Variants in WWOX observed in about 807,000 individuals in gnomAD.
The protein encoded by WWOX is WW domain-containing oxidoreductase.
WWOX carries 69 observed loss-of-function variants against 46.2 expected under a neutral mutation model. The observed-to-expected ratio is 1.49, with a 90% CI of 1.23 to 1.82. The LOEUF (loss-of-function observed/expected upper bound fraction) is 1.82, where lower values mean the gene tolerates loss of function less well. Ranked by LOEUF, WWOX falls within the 40% of genes most tolerant of loss-of-function variation. The probability of loss-of-function intolerance (pLI) is 0.00; values close to 1 mark genes in which losing one functional copy is unlikely to be tolerated. For missense variants in WWOX, 919 were observed against 542.6 expected (o/e 1.69, Z -6.89); for synonymous variants, 359 against 202.6 (o/e 1.77, Z -6.56).
intron 8 of WWOX, among the ~76,000 whole-genome samples, chr16:79,117,223 C>A (rs1431881848): frequency 6.6e-6 from 1 of 152,048 alleles, no homozygotes; most frequent in Admixed American, 6.6e-5. Context: ...GTTGCCCAGG[C>A]TGGTCTTGAA....
chr16:78,458,533 T>A (rs990620355), intron 8 of WWOX, among the ~76,000 whole-genome samples: 2 of 152,162 alleles, frequency 1.3e-5, no homozygotes, highest in Admixed American at 1.3e-4. Flanking sequence ...AGTGCTGGGA[T>A]TACAGGTACA....
chr16:79,073,059 G>A (rs1189356264), intron 8 of WWOX, among the ~76,000 whole-genome samples: 1 of 152,068 alleles, frequency 6.6e-6, no homozygotes, highest in African/African-American at 2.4e-5. Flanking sequence ...GAGAGTTGCA[G>A]AATCTGTGTA....
chr16:78,756,029 G>A (rs1167720357), intron 8 of WWOX, among the ~76,000 whole-genome samples: 17 of 152,140 alleles, frequency 1.1e-4, no homozygotes, highest in Admixed American at 6.5e-5. Flanking sequence ...AAGGCCTCAT[G>A]TATGAACTCT....
At chr16:78,731,768 A>C (rs913519324) in intron 8 of WWOX, among the ~76,000 whole-genome samples, 3 of 151,250 alleles carry the variant, frequency 2.0e-5, no homozygotes, top group African/African-American at 7.3e-5. Flanking sequence ...TCATGAATCC[A>C]CTCTGCAGTT....
chr16:78,732,583 A>G (rs181979976), intron 8 of WWOX, among the ~76,000 whole-genome samples: 1 of 152,296 alleles, frequency 6.6e-6, no homozygotes, highest in Admixed American at 6.5e-5. Flanking sequence ...GTAATTTGAT[A>G]AAGATGTGGT....
intron 6 of WWOX, among the ~76,000 whole-genome samples, chr16:78,403,099 A>G (rs1295946251): frequency 6.6e-6 from 1 of 152,148 alleles, no homozygotes; most frequent in Non-Finnish European, 1.5e-5. Flanking sequence ...TAGGCAAAAC[A>G]GAGGAAAGAG....
intron 4 of WWOX, among the ~76,000 whole-genome samples, chr16:78,119,510 A>C (rs796296835): frequency 6.6e-6 from 1 of 152,076 alleles, no homozygotes; most frequent in Admixed American, 6.5e-5. Context: ...TACTCTGTTC[A>C]TTGTCTTAAT....
chr16:78,745,495 C>G (rs1250583351), intron 8 of WWOX, among the ~76,000 whole-genome samples: 1 of 146,464 alleles, frequency 6.8e-6, no homozygotes, highest in Non-Finnish European at 1.5e-5. Flanking sequence ...TTGGGGGTCA[C>G]TCCATAGAGA....
At chr16:78,173,938 G>A (rs963610092) in intron 5 of WWOX, among the ~76,000 whole-genome samples, 2 of 151,692 alleles carry the variant, frequency 1.3e-5, no homozygotes, top group African/African-American at 2.4e-5. Flanking sequence ...GTCCTCATAT[G>A]GTGGAGAGCT....
intron 8 of WWOX, among the ~76,000 whole-genome samples, chr16:78,835,746 C>T (rs1018908626): frequency 1.3e-5 from 2 of 152,064 alleles, no homozygotes; most frequent in African/African-American, 4.8e-5. Flanking sequence ...CAGGGAGAAA[C>T]GAAAACAATA....
chr16:78,385,048 C>T (rs914342187), intron 5 of WWOX, among the ~76,000 whole-genome samples: 9 of 151,910 alleles, frequency 5.9e-5, no homozygotes, highest in East Asian at 3.9e-4. Context: ...GCAGGAGAAT[C>T]GCTTGAGCCC....
At chr16:78,612,004 A>T (rs763590158) in intron 8 of WWOX, among the ~76,000 whole-genome samples, 7 of 152,220 alleles carry the variant, frequency 4.6e-5, no homozygotes, top group African/African-American at 7.2e-5. Context: ...AAGATTCAAT[A>T]GGCATTGGCT....
chr16:78,892,230 A>G (rs1432911757), intron 8 of WWOX: 1 of 152,206 alleles, frequency 6.6e-6, no homozygotes, highest in African/African-American at 2.4e-5. Flanking sequence ...GTCAACCATT[A>G]GCAACCCTAG....
At chr16:78,625,095 A>G (rs571399381) in intron 8 of WWOX, among the ~76,000 whole-genome samples, 2 of 152,314 alleles carry the variant, frequency 1.3e-5, no homozygotes, top group South Asian at 4.1e-4. Context: ...GCAGGTCCCA[A>G]GCTGTCTGAA....
intron 8 of WWOX, among the ~76,000 whole-genome samples, chr16:78,437,986 T>A (rs2083369893): frequency 6.6e-6 from 1 of 152,212 alleles, no homozygotes. Flanking sequence ...TATTAGTCTA[T>A]GGGTTTTAAT....
chr16:78,340,039 A>T (rs1043844885), intron 5 of WWOX, among the ~76,000 whole-genome samples: 204 of 22,196 alleles, frequency 9.2e-3, no homozygotes, highest in African/African-American at 0.012. Flanking sequence ...GGACGTTTCT[A>T]TTTCCTTTAT....
chr16:78,534,430 AAGAC>A (rs1413010233), intron 8 of WWOX: 9 of 152,212 alleles, frequency 5.9e-5, no homozygotes, highest in African/African-American at 2.2e-4. Context: ...ATGGTGAAAG[AAGAC>A]AGACAGTGTA....
In WWOX at chr16:78,578,131, C is replaced by T. The variant is rs373861026; in HGVS notation, c.1056+145379C>T. ...TCATCTTAATACAAGACACTATGCACTAATTAAGCTGTTGTTGATGCTTTT... is the reference window on the plus strand; with the variant it reads ...TCATCTTAATACAAGACACTATGCATTAATTAAGCTGTTGTTGATGCTTTT... On this transcript the variant is annotated intron_variant, in intron 8 of 8. Coordinates refer to ENST00000566780, the MANE Select transcript of WWOX (RefSeq NM_016373.4). 5.3e-5 allele frequency among the ~76,000 whole-genome samples: 8 copies of T among 151,124 alleles called. No homozygotes were observed. In the East Asian group the frequency reaches 7.8e-4, roughly 15 times the overall value.
chr16:78,905,469 C>T (rs1027633386), intron 8 of WWOX, among the ~76,000 whole-genome samples: 3 of 152,196 alleles, frequency 2.0e-5, no homozygotes, highest in Non-Finnish European at 4.4e-5. Flanking sequence ...GCAGACTCAA[C>T]CTCCTGGGTG....
Sources: gnomAD v4.1 joint callset for allele counts (sites outside exome capture counted in the v4.1 genomes callset) on GRCh38, gnomAD v4.1.1 for gene constraint, MANE v1.5 for transcripts, NCBI Gene and HGNC (gene_info 2026-07-23, HGNC 2026-07-21) for gene names.